The following CHD3 variants were observed in gnomAD, a reference collection of about 807,000 sequenced individuals.
CHD3 encodes chromodomain helicase DNA binding protein 3, also known as ATP-dependent chromatin remodeler CHD3.
CHD3 carries 52 observed loss-of-function variants against 248.9 expected under a neutral mutation model. The ratio of observed to expected loss-of-function variants is 0.21; its 90% CI spans 0.17 to 0.26. The LOEUF is 0.26. Among genes scored for constraint, CHD3 ranks in the 10% least tolerant of loss-of-function variants. CHD3 has a pLI of 1.00. For synonymous variants in CHD3, 985 were observed against 985.2 expected (o/e 1.00, Z 0.00); for missense variants, 1,482 against 2,605.8 (o/e 0.57, Z 9.39).
chr17:7,893,686 G>A (rs1969216567), intron 5 of CHD3, 117 bp downstream of exon 5: 1 of 1,528,692 alleles, frequency 6.5e-7, no homozygotes. Context: ...TGCTTTCCAG[G>A]AAGTGGGGCT....
At chr17:7,901,978 A>T (rs954376629) in intron 20 of CHD3, among the ~76,000 whole-genome samples, 1 of 152,128 alleles carries the variant, frequency 6.6e-6, no homozygotes, top group Non-Finnish European at 1.5e-5. Flanking sequence ...TGGAAATGTG[A>T]TGAAAGCTCT....
upstream of CHD3, among the ~76,000 whole-genome samples, chr17:7,885,711 G>A (rs895055412): frequency 1.3e-5 from 2 of 152,116 alleles, no homozygotes; most frequent in African/African-American, 4.8e-5. Flanking sequence ...GGTGTCCATC[G>A]GACCCCCCTC....
At position 7,907,264 on chromosome 17, in the gene CHD3, A is replaced by G. The variant is rs1971085414; in HGVS notation, c.4788+17A>G. 5.6e-6 allele frequency: 9 copies of G among 1,614,062 alleles called. No individual in the cohort carries two copies. Among genetic ancestry groups the G allele is most frequent in the African/African-American group, 1.3e-5 (1 of 74,930 alleles). On this transcript the variant is annotated intron_variant, in intron 31 of 39. Transcript: ENST00000330494. This position sits in a 1 kb window ranked among gnomAD's most constrained non-coding sequence, Gnocchi z 4.3. The stretch of plus-strand genomic sequence containing the variant: ...GAGACAGAGGTGTGTGGCTCCCTGG[A>G]TTCCCCTGTGGAGCGGGAGGGGAGG...
intron 4 of CHD3, among the ~76,000 whole-genome samples, chr17:7,892,273 C>T (rs777649816): frequency 6.6e-6 from 1 of 152,168 alleles, no homozygotes; most frequent in Non-Finnish European, 1.5e-5. Context: ...GACTCTTTCA[C>T]ACTCCGTCCT....
At chr17:7,901,159 G>C (rs764782731) in intron 19 of CHD3, 85 bp from the exon 20 acceptor site, 10 of 1,525,034 alleles carry the variant, frequency 6.6e-6, no homozygotes, top group Non-Finnish European at 8.8e-6. Context: ...AGCTGGATCC[G>C]GGCATCTGGC....
Position 7,900,081 on chromosome 17 carries a change from ACTTGCCTTGGTC to A in CHD3, c.2682+51_2682+62del. 6.4e-7 allele frequency: 1 copy of A among 1,571,888 alleles called. No homozygotes were observed. Among genetic ancestry groups the A allele is most frequent in the East Asian group, 2.3e-5 (1 of 44,212 alleles). On this transcript the variant is annotated intron_variant, in intron 16 of 39. Coordinates refer to ENST00000330494, the MANE Select transcript of CHD3 (RefSeq NM_001005273.3). The surrounding 1 kb of genome is among the most constrained non-coding windows in gnomAD (Gnocchi z 6.5). ...AAAAACTTGAAGTTGTGGACTTCCCACTTGCCTTGGTCCTAAAAAACAACAAAAATTCTGGGG... is the reference window on the plus strand; with the variant it reads ...AAAAACTTGAAGTTGTGGACTTCCCACTAAAAAACAACAAAAATTCTGGGG...
At position 7,894,100 on chromosome 17, in the gene CHD3, C is replaced by T. The variant is rs116670269; in HGVS notation, c.925-15C>T. 5.3e-4 allele frequency: 851 copies of T among 1,591,540 alleles called. 1 individual carries two copies. Among genetic ancestry groups the T allele is most frequent in the African/African-American group, 2.0e-3 (146 of 74,188 alleles). On this transcript the variant is annotated splice_polypyrimidine_tract_variant and intron_variant, in intron 6 of 39. Coordinates refer to ENST00000330494, the MANE Select transcript of CHD3 (RefSeq NM_001005273.3). ...ATGAAGTCTGCCTCACTGACGGCCA[C>T]GGGGCTATGGGCAGTATGTTTTTCA... is the stretch of plus-strand genomic sequence containing the variant.
At position 7,909,709 on chromosome 17, in the gene CHD3, G is replaced by T; in HGVS notation, c.5590+371G>T. The T allele has an allele frequency of 4.0e-6, 1 of 253,056 alleles. No individual in the cohort carries two copies. The allele number at this position is 253,056 out of a possible 1,614,324, so 15.7% of individuals were successfully genotyped here. On this transcript the variant is annotated intron_variant, in intron 37 of 39. Transcript: ENST00000330494. This position sits in a 1 kb window ranked among gnomAD's most constrained non-coding sequence, Gnocchi z 8.1. Reference sequence around the variant, plus strand: ...GAATGCACCATACAGATCCCTGGCTGTGATCAAACAAATCACATTCCCTCA... The same window carrying T: ...GAATGCACCATACAGATCCCTGGCTTTGATCAAACAAATCACATTCCCTCA...
chr17:7,889,819 A>G lies in CHD3; in HGVS notation c.213+43A>G. ...CTAACTCTGTGGCAAGGCTCAAGAG[A>G]CCCATTCTCAGAGACCTACATTTTC... On this transcript the variant is annotated intron_variant, in intron 2 of 39. Coordinates refer to ENST00000330494, the MANE Select transcript of CHD3 (RefSeq NM_001005273.3). The surrounding 1 kb of genome is among the most constrained non-coding windows in gnomAD (Gnocchi z 4.5). 1.3e-6 allele frequency: 2 copies of G among 1,538,334 alleles called. No homozygotes were observed. Among genetic ancestry groups the G allele is most frequent in the East Asian group, 2.4e-5 (1 of 42,220 alleles).
intron 4 of CHD3, among the ~76,000 whole-genome samples, chr17:7,892,749 C>T (rs1225586401): frequency 6.6e-6 from 1 of 152,168 alleles, no homozygotes; most frequent in East Asian, 1.9e-4. Flanking sequence ...CCCACCTTGG[C>T]CTCCCAAAGT....
At position 7,904,398 on chromosome 17, in the gene CHD3, A is replaced by G; in HGVS notation, c.3895-44A>G. The G allele has an allele frequency of 3.2e-6, 5 of 1,575,438 alleles. No individual in the cohort carries two copies. The highest frequency in any genetic ancestry group is 4.3e-6 in the Non-Finnish European group (5 of 1,151,590). ...ATTTCCTTGCAGTGGAAGGATTAGC[A>G]AAGAAGGAGACCCCCAGTGTTCATT... is the stretch of plus-strand genomic sequence containing the variant. On this transcript the variant is annotated intron_variant, in intron 24 of 39. Transcript: ENST00000330494. This position sits in a 1 kb window ranked among gnomAD's most constrained non-coding sequence, Gnocchi z 4.4.
rs1969876856 is a variant in CHD3 at position 7,897,900 on chromosome 17, A to G, written c.1920-71A>G. 5.3e-6 allele frequency: 8 copies of G among 1,509,362 alleles called. No homozygotes were observed. The highest frequency in any genetic ancestry group is 6.2e-6 in the Non-Finnish European group (7 of 1,120,852). The allele number at this position is 1,509,362 out of a possible 1,614,324, so 93.5% of individuals were successfully genotyped here. On this transcript the variant is annotated intron_variant, in intron 11 of 39. Coordinates refer to ENST00000330494, the MANE Select transcript of CHD3 (RefSeq NM_001005273.3). The surrounding 1 kb of genome is among the most constrained non-coding windows in gnomAD (Gnocchi z 4.8). ...GTGTTTGCTGATAATTGCGTTTCTCAGGCCTTCTTTCTGTTTGTGATCTGT... is the reference window on the plus strand; with the variant it reads ...GTGTTTGCTGATAATTGCGTTTCTCGGGCCTTCTTTCTGTTTGTGATCTGT...
rs1171901834 is a variant in CHD3, at chr17:7,897,756, GGAATGT to G, written c.1920-214_1920-209del. Among the ~76,000 whole-genome samples, 2 of 152,216 alleles carry G rather than the reference GGAATGT, an allele frequency of 1.3e-5. No homozygotes were observed. Among genetic ancestry groups the G allele is most frequent in the African/African-American group, 4.8e-5 (2 of 41,458 alleles). On this transcript the variant is annotated intron_variant, in intron 11 of 39. Transcript: ENST00000330494. This position sits in a 1 kb window ranked among gnomAD's most constrained non-coding sequence, Gnocchi z 4.8. ...AACAAATGATAAGGAGGGATCTCCA[GGAATGT>G]TTTGTGATAGCTGATTTTTAGGATA...
chr17:7,904,025 C>A lies in CHD3; in HGVS notation c.3894+34C>A. ...CTTTGGGGGCCAGACATTATCTATC[C>A]CAGGCCATCTCCAAAAGGCAGTATC... On this transcript the variant is annotated intron_variant, in intron 24 of 39. Transcript: ENST00000330494. The surrounding 1 kb of genome is among the most constrained non-coding windows in gnomAD (Gnocchi z 4.4). 6.2e-7 allele frequency: 1 copy of A among 1,605,078 alleles called. No individual in the cohort carries two copies. Among genetic ancestry groups the A allele is most frequent in the South Asian group, 1.1e-5 (1 of 90,404 alleles).
chr17:7,907,497 A>G lies in CHD3; in HGVS notation c.4924+9A>G. On this transcript the variant is annotated intron_variant, in intron 32 of 39. Transcript: ENST00000330494. This position sits in a 1 kb window ranked among gnomAD's most constrained non-coding sequence, Gnocchi z 4.3. The stretch of plus-strand genomic sequence containing the variant: ...GGACAGAGAGAAGTCAGGTGGGTGC[A>G]TGGCCTTAGGAGTGATGGGGGATTA... The G allele has an allele frequency of 1.3e-6, 2 of 1,580,922 alleles. No individual in the cohort carries two copies. The highest frequency in any genetic ancestry group is 1.2e-5 in the South Asian group (1 of 84,894).
In CHD3 at chr17:7,890,668, G is replaced by C; in HGVS notation, c.311G>C (p.Arg104Thr). 6.2e-7 allele frequency: 1 copy of C among 1,607,944 alleles called. No homozygotes were observed. The highest frequency in any genetic ancestry group is 8.5e-7 in the Non-Finnish European group (1 of 1,178,132). ...EYGTGPGRKR[R>T]RKHREKKEKK... Reference sequence around the variant, plus strand: ...GGAACCGGACCGGGTCGGAAACGAAGAAGGAAGCACCGAGAAAAAAAGGAG... The same window carrying C: ...GGAACCGGACCGGGTCGGAAACGAACAAGGAAGCACCGAGAAAAAAAGGAG... The change falls in exon 3 of 40, where the codon AGA (arginine) becomes ACA (threonine). Residue 104 changes from arginine (R) to threonine (T), a missense_variant. Physicochemically the swap from Arg to Thr is moderately conservative, Grantham distance 71. Coordinates refer to ENST00000330494, the MANE Select transcript of CHD3 (RefSeq NM_001005273.3).
rs371852488 is a variant in CHD3 at position 7,905,831 on chromosome 17, A to G, written c.4225-25A>G. The G allele has an allele frequency of 1.9e-5, 31 of 1,613,926 alleles. No individual in the cohort carries two copies. Among genetic ancestry groups the G allele is most frequent in the Non-Finnish European group, 2.6e-5 (31 of 1,179,994 alleles). ...CTAAGAACCCTAGACATTTGTCGCC[A>G]TTGCCTCCTTGCTCCCACCCTCAGG... On this transcript the variant is annotated intron_variant, in intron 27 of 39. Coordinates refer to ENST00000330494, the MANE Select transcript of CHD3 (RefSeq NM_001005273.3). The surrounding 1 kb of genome is among the most constrained non-coding windows in gnomAD (Gnocchi z 5.8).
Position 7,912,668 on chromosome 17 carries a change from T to C in CHD3, c.*1083T>C, listed in dbSNP as rs1971787632. On this transcript the variant is annotated 3_prime_UTR_variant, in exon 40 of 40. Transcript: ENST00000330494. ...CACTTTCTTGCTGCCCCTTTCCCAG[T>C]CTCTCTTCACACCCACTCCTGGTCT... is the stretch of plus-strand genomic sequence containing the variant. 6.6e-6 allele frequency: 1 copy of C among 151,674 alleles called. No homozygotes were observed. The allele number at this position is 151,674 out of a possible 1,614,324, so 9.4% of individuals were successfully genotyped here. A position where few individuals can be genotyped will look rare whatever the true frequency, so the allele number is the denominator to read the frequency against.
rs1054999089 is a variant in CHD3 at position 7,908,885 on chromosome 17, A to C, written c.5394+56A>C. 15 of 1,609,944 alleles carry C rather than the reference A, an allele frequency of 9.3e-6. No individual in the cohort carries two copies. The African/African-American group carries it at 1.7e-4, about 19-fold the overall frequency. On this transcript the variant is annotated intron_variant, in intron 36 of 39. Transcript: ENST00000330494. This position sits in a 1 kb window ranked among gnomAD's most constrained non-coding sequence, Gnocchi z 5.8. ...TAGACGGGCTTGGGTCAGAAGTGAG[A>C]CCAGATCTAGTTGGAACCTAGGGAA...
Sources: gnomAD v4.1 joint callset for allele counts (sites outside exome capture counted in the v4.1 genomes callset) on GRCh38, gnomAD v4.1.1 for gene constraint, Gnocchi (gnomAD v3.1) non-coding constraint, MANE v1.5 for transcripts, NCBI Gene and HGNC (gene_info 2026-07-23, HGNC 2026-07-21) for gene names.